SNTB1: variants seen among roughly 807,000 people sequenced by gnomAD.
The protein encoded by SNTB1 is beta-1-syntrophin.
SNTB1 carries 36 observed loss-of-function variants against 48.9 expected under a neutral mutation model. That is an observed-to-expected ratio of 0.74 (90% confidence interval 0.56 to 0.97). The LOEUF is 0.97. SNTB1 is among the 50% of genes least tolerant of loss of function. The probability of loss-of-function intolerance (pLI) is 0.00; values close to 1 mark genes in which losing one functional copy is unlikely to be tolerated. For synonymous variants in SNTB1, 299 were observed against 294.6 expected (o/e 1.01, Z -0.15); for missense variants, 786 against 703.4 (o/e 1.12, Z -1.33).
chr8:120,562,005 C>G (rs114126231), intron 4 of SNTB1, among the ~76,000 whole-genome samples: 2,495 of 152,256 alleles, frequency 0.016, 67 homozygotes, highest in African/African-American at 0.058. Flanking sequence ...TCCATCCTAC[C>G]CTCCCCAAAC....
At chr8:120,758,678 G>A (rs1356788398) in intron 1 of SNTB1, among the ~76,000 whole-genome samples, 2 of 152,146 alleles carry the variant, frequency 1.3e-5, no homozygotes, top group Admixed American at 1.3e-4. Context: ...ATAGTGTACA[G>A]TCAGAATTGC....
Position 120,548,752 on chromosome 8 carries a change from C to A in SNTB1, c.1333+10G>T, listed in dbSNP as rs1329435056. ...ACAATGTGTCCTTGGTAGCTCACTG[C>A]AGTACTCACCAGTGCTGATTTCAGC... On this transcript the variant is annotated intron_variant, in intron 5 of 6. Coordinates refer to ENST00000517992, the MANE Select transcript of SNTB1 (RefSeq NM_021021.4). 1.9e-6 allele frequency: 3 copies of A among 1,612,860 alleles called. No homozygotes were observed. The highest frequency in any genetic ancestry group is 2.5e-6 in the Non-Finnish European group (3 of 1,178,930).
chr8:120,641,818 C>T (rs1001842712), intron 2 of SNTB1, among the ~76,000 whole-genome samples: 2 of 152,210 alleles, frequency 1.3e-5, no homozygotes, highest in African/African-American at 4.8e-5. Context: ...CATATAATCA[C>T]TATTCAAATT....
At chr8:120,778,779 A>G (rs1472336531) in intron 1 of SNTB1, among the ~76,000 whole-genome samples, 1 of 152,224 alleles carries the variant, frequency 6.6e-6, no homozygotes, top group Non-Finnish European at 1.5e-5. Context: ...GCATGAATAA[A>G]ATGTCTCAGA....
chr8:120,673,674 G>A (rs1367545464), intron 2 of SNTB1, among the ~76,000 whole-genome samples: 6 of 152,078 alleles, frequency 3.9e-5, no homozygotes, highest in African/African-American at 1.4e-4. Context: ...TCCCAGAAGT[G>A]CCTGTTTCAG....
chr8:120,540,603 G>C (rs1034672586), intron 6 of SNTB1, among the ~76,000 whole-genome samples: 3 of 152,122 alleles, frequency 2.0e-5, no homozygotes, highest in Admixed American at 6.6e-5. Context: ...TAGTAAAATG[G>C]ACTTTCGAGT....
At chr8:120,784,272 G>A (rs34072257) in intron 1 of SNTB1, among the ~76,000 whole-genome samples, 10,286 of 152,082 alleles carry the variant, frequency 0.068, 514 homozygotes, top group African/African-American at 0.14. Flanking sequence ...GGGATTATAG[G>A]TGTGAGGTAC....
At chr8:120,548,260 G>A (rs530588216) in intron 5 of SNTB1, among the ~76,000 whole-genome samples, 1 of 152,248 alleles carries the variant, frequency 6.6e-6, no homozygotes, top group South Asian at 2.1e-4. Context: ...TGTACAGTCT[G>A]CAGAACTGGG....
At chr8:120,613,657 G>A (rs1340957799) in intron 3 of SNTB1, among the ~76,000 whole-genome samples, 1 of 152,116 alleles carries the variant, frequency 6.6e-6, no homozygotes, top group East Asian at 1.9e-4. Flanking sequence ...CATTTATACA[G>A]GAAAAAGTAC....
intron 1 of SNTB1, among the ~76,000 whole-genome samples, chr8:120,808,959 TGCCATA>T (rs1486601482): frequency 6.6e-6 from 1 of 152,174 alleles, no homozygotes. Context: ...CCCTTTGCCC[TGCCATA>T]CAACCAGATT....
chr8:120,709,140 A>C (rs1818422790), intron 1 of SNTB1, among the ~76,000 whole-genome samples: 1 of 152,118 alleles, frequency 6.6e-6, no homozygotes, highest in Non-Finnish European at 1.5e-5. Context: ...GGAAGGCAAG[A>C]AAGTGTAGGA....
At chr8:120,701,781 G>T (rs562763322) in intron 1 of SNTB1, among the ~76,000 whole-genome samples, 76 of 152,200 alleles carry the variant, frequency 5.0e-4, no homozygotes, top group Non-Finnish European at 1.0e-3. Context: ...GCATTTGAAG[G>T]ATGGCCAAAA....
At chr8:120,807,408 ATACC>A (rs1820352987) in intron 1 of SNTB1, among the ~76,000 whole-genome samples, 1 of 152,200 alleles carries the variant, frequency 6.6e-6, no homozygotes, top group African/African-American at 2.4e-5. Context: ...TACAGGTCCA[ATACC>A]TGCATGGCTG....
At position 120,569,280 on chromosome 8, in the gene SNTB1, C is replaced by T. The variant is rs115077518; in HGVS notation, c.1136+5806G>A. On this transcript the variant is annotated intron_variant, in intron 4 of 6. Coordinates refer to ENST00000517992, the MANE Select transcript of SNTB1 (RefSeq NM_021021.4). ...CAGGTGTGAGCTACTGTGCCCAGCCCGCATCTTCTATTCTAAATGATCACA... is the reference window on the plus strand; with the variant it reads ...CAGGTGTGAGCTACTGTGCCCAGCCTGCATCTTCTATTCTAAATGATCACA... Among the ~76,000 whole-genome samples, 1,276 of 152,248 alleles carry T rather than the reference C, an allele frequency of 8.4e-3. 18 individuals are homozygous for T. The highest frequency in any genetic ancestry group is 0.026 in the African/African-American group (1,093 of 41,552).
At chr8:120,568,975 C>T (rs1815797509) in intron 4 of SNTB1, among the ~76,000 whole-genome samples, 1 of 152,052 alleles carries the variant, frequency 6.6e-6, no homozygotes, top group Non-Finnish European at 1.5e-5. Flanking sequence ...ACTACATCTT[C>T]TGTTTTGTTT....
intron 2 of SNTB1, among the ~76,000 whole-genome samples, chr8:120,646,958 T>C (rs1049531822): frequency 2.0e-5 from 3 of 151,914 alleles, no homozygotes; most frequent in Non-Finnish European, 4.4e-5. Flanking sequence ...TGCGTAGAGG[T>C]GTTTGTAGTA....
At chr8:120,611,561 C>T (rs906710879) in intron 3 of SNTB1, among the ~76,000 whole-genome samples, 2 of 151,684 alleles carry the variant, frequency 1.3e-5, no homozygotes, top group East Asian at 2.0e-4. Flanking sequence ...CGGTAGCTCA[C>T]GCCTGTAATC....
chr8:120,645,340 A>G (rs1817273162), intron 2 of SNTB1, among the ~76,000 whole-genome samples: 3 of 149,238 alleles, frequency 2.0e-5, no homozygotes, highest in South Asian at 2.1e-4. Context: ...TGATTTTTGT[A>G]TAAGGTGTAA....
At chr8:120,808,398 C>T (rs539471860) in intron 1 of SNTB1, among the ~76,000 whole-genome samples, 1 of 152,254 alleles carries the variant, frequency 6.6e-6, no homozygotes, top group African/African-American at 2.4e-5. Flanking sequence ...CTGTTTAACT[C>T]CTCTGGTCTC....
Sources: allele counts gnomAD v4.1 joint callset (sites outside exome capture counted in the v4.1 genomes callset), GRCh38; gene constraint gnomAD v4.1.1; transcripts MANE v1.5; gene names NCBI Gene and HGNC (gene_info 2026-07-23, HGNC 2026-07-21).